LINGO2: variants seen among roughly 807,000 people sequenced by gnomAD.
LINGO2 encodes the protein leucine rich repeat and Ig domain containing 2, also known as leucine-rich repeat and immunoglobulin-like domain-containing nogo receptor-interacting protein 2.
In LINGO2, 14 loss-of-function variants were observed where a neutral mutation model predicts 30.6. The ratio of observed to expected loss-of-function variants is 0.46; its 90% CI spans 0.30 to 0.72. The LOEUF is 0.72. Ranked by LOEUF, LINGO2 falls within the 30% of genes least tolerant of loss-of-function variation. LINGO2 has a pLI of 0.07. For missense variants in LINGO2, 729 were observed against 751.7 expected (o/e 0.97, Z 0.35); for synonymous variants, 317 against 288.5 (o/e 1.10, Z -1.00).
At chr9:28,787,981 A>G in the LINGO2 span, among the ~76,000 whole-genome samples, 1 of 152,328 alleles carries the variant, frequency 6.6e-6, no homozygotes, top group Non-Finnish European at 1.5e-5. Flanking sequence ...AACCATCAGT[A>G]CTGCCTCTCA....
At chr9:28,003,686 C>T (rs1822104974) in intron 5 of LINGO2, among the ~76,000 whole-genome samples, 2 of 152,126 alleles carry the variant, frequency 1.3e-5, no homozygotes, top group South Asian at 4.1e-4. Flanking sequence ...TGGTCTCGAT[C>T]TCCTGACCTT....
intron 4 of LINGO2, among the ~76,000 whole-genome samples, chr9:28,278,702 C>T (rs1387961652): frequency 1.3e-5 from 2 of 152,142 alleles, no homozygotes; most frequent in Non-Finnish European, 2.9e-5. Context: ...AATAGTCATC[C>T]AAGAGCTCTG....
At chr9:28,383,863 T>G (rs1821457324) in intron 2 of LINGO2, among the ~76,000 whole-genome samples, 1 of 152,044 alleles carries the variant, frequency 6.6e-6, no homozygotes, top group Non-Finnish European at 1.5e-5. Flanking sequence ...ATGCACTTTT[T>G]TCCACCTCAC....
chr9:29,009,580 A>G, the LINGO2 span, among the ~76,000 whole-genome samples: 4 of 152,228 alleles, frequency 2.6e-5, no homozygotes, highest in Non-Finnish European at 4.4e-5. Flanking sequence ...AGGAAGAATC[A>G]ATATCATGAA....
chr9:28,466,058 CA>C (rs796305605), intron 2 of LINGO2, among the ~76,000 whole-genome samples: 2,063 of 145,482 alleles, frequency 0.014, 38 homozygotes, highest in African/African-American at 0.049. Context: ...TCAGAGGTTT[CA>C]AAAAAAAAAC....
chr9:27,948,113 A>T (rs1823438518), exon 6 of LINGO2: 1 of 152,232 alleles, frequency 6.6e-6, no homozygotes, highest in Non-Finnish European at 1.5e-5. Context: ...CTTTATTTAT[A>T]GTAACAGAAG....
At chr9:28,717,441 G>T in the LINGO2 span, among the ~76,000 whole-genome samples, 1 of 151,976 alleles carries the variant, frequency 6.6e-6, no homozygotes, top group African/African-American at 2.4e-5. Context: ...TTTGGTAGGG[G>T]TGAGGTAAGT....
At chr9:28,468,413 G>C (rs1247497899) in intron 2 of LINGO2, among the ~76,000 whole-genome samples, 3 of 152,186 alleles carry the variant, frequency 2.0e-5, no homozygotes, top group Non-Finnish European at 4.4e-5. Context: ...GGGATCTTAG[G>C]CTAGAAACCA....
At chr9:28,400,778 G>A (rs542228022) in intron 2 of LINGO2, among the ~76,000 whole-genome samples, 68 of 152,270 alleles carry the variant, frequency 4.5e-4, no homozygotes, top group Admixed American at 1.2e-3. Flanking sequence ...AACAAAAGAT[G>A]AAATTTAAGA....
At chr9:28,510,560 G>A (rs1820333490) in intron 1 of LINGO2, among the ~76,000 whole-genome samples, 1 of 151,960 alleles carries the variant, frequency 6.6e-6, no homozygotes, top group East Asian at 1.9e-4. Context: ...AGGCAGAGGA[G>A]GTGGAGGAGG....
chr9:28,048,295 C>G (rs1259344857), intron 4 of LINGO2, among the ~76,000 whole-genome samples: 2 of 151,054 alleles, frequency 1.3e-5, no homozygotes, highest in Non-Finnish European at 2.9e-5. Flanking sequence ...AAAGCCTCTA[C>G]TAAGTGAAAA....
At chr9:27,970,319 C>T (rs1041179283) in intron 5 of LINGO2, among the ~76,000 whole-genome samples, 10 of 152,036 alleles carry the variant, frequency 6.6e-5, no homozygotes, top group South Asian at 2.1e-4. Flanking sequence ...CCCTTAGGCT[C>T]GGGGGATCTG....
the LINGO2 span, among the ~76,000 whole-genome samples, chr9:28,874,046 A>C: frequency 6.6e-6 from 1 of 152,098 alleles, no homozygotes; most frequent in African/African-American, 2.4e-5. Context: ...AAATTGCTTG[A>C]CTTAAACAAT....
the LINGO2 span, among the ~76,000 whole-genome samples, chr9:29,172,603 CA>C: frequency 2.8e-4 from 42 of 151,896 alleles, no homozygotes; most frequent in African/African-American, 9.6e-4. Flanking sequence ...AATAATATAA[CA>C]ATGCAAAACT....
intron 1 of LINGO2, among the ~76,000 whole-genome samples, chr9:28,489,768 C>T (rs886216622): frequency 1.1e-4 from 16 of 151,214 alleles, no homozygotes; most frequent in Admixed American, 6.6e-4. Context: ...GGTGGTGGTG[C>T]GTGCCTGTAA....
the LINGO2 span, among the ~76,000 whole-genome samples, chr9:28,786,535 T>C: frequency 6.6e-6 from 1 of 152,180 alleles, no homozygotes; most frequent in African/African-American, 2.4e-5. Flanking sequence ...AAAAGCATCA[T>C]TTGCCTAGGG....
chr9:28,900,068 C>G, the LINGO2 span, among the ~76,000 whole-genome samples: 3 of 152,192 alleles, frequency 2.0e-5, no homozygotes, highest in African/African-American at 7.2e-5. Context: ...CAGATACAGG[C>G]TCCAGGCTGG....
At chr9:28,627,889 T>G (rs558306899) in intron 1 of LINGO2, among the ~76,000 whole-genome samples, 2 of 152,078 alleles carry the variant, frequency 1.3e-5, no homozygotes, top group Non-Finnish European at 2.9e-5. Context: ...CCTGTTGTTA[T>G]TAGGCATTAG....
the LINGO2 span, among the ~76,000 whole-genome samples, chr9:29,090,320 A>G: frequency 2.0e-5 from 3 of 152,118 alleles, no homozygotes; most frequent in African/African-American, 7.2e-5. Flanking sequence ...AGTCCTGTTC[A>G]AATGTTCCTC....
Sources: gnomAD v4.1 joint callset for allele counts (sites outside exome capture counted in the v4.1 genomes callset) on GRCh38, gnomAD v4.1.1 for gene constraint, MANE v1.5 for transcripts, NCBI Gene and HGNC (gene_info 2026-07-23, HGNC 2026-07-21) for gene names.